Variants in VIPAS39 observed in about 807,000 individuals in gnomAD.
VIPAS39 encodes the protein spermatogenesis-defective protein 39 homolog.
Under a neutral mutation model 84.7 loss-of-function variants are expected in VIPAS39, and 63 were observed. The ratio of observed to expected loss-of-function variants is 0.74; its 90% CI spans 0.61 to 0.92. The LOEUF (loss-of-function observed/expected upper bound fraction) is 0.92. Ranked by LOEUF, VIPAS39 falls within the 40% of genes least tolerant of loss-of-function variation. The probability of loss-of-function intolerance (pLI) is 0.00; values close to 1 mark genes in which losing one functional copy is unlikely to be tolerated. For missense variants in VIPAS39, 499 were observed against 604.5 expected (o/e 0.83, Z 1.83); for synonymous variants, 192 against 216.5 (o/e 0.89, Z 0.99).
chr14:77,427,786 AT>A (rs1450849677), intron 19 of VIPAS39, 150 bp from the exon 20 acceptor site: 1 of 945,474 alleles, frequency 1.1e-6, no homozygotes. Flanking sequence ...ATGTTGAGAA[AT>A]TTTTTAAAAT....
At chr14:77,442,948 C>T (rs2078725630) in intron 9 of VIPAS39, among the ~76,000 whole-genome samples, 171 bp downstream of exon 9, 1 of 152,160 alleles carries the variant, frequency 6.6e-6, no homozygotes, top group African/African-American at 2.4e-5. Context: ...GTAGTCATCA[C>T]CCTAAAGGAC....
chr14:77,448,533 CCA>C lies in VIPAS39; in HGVS notation c.463_464del (p.Trp155GlufsTer4), dbSNP rs747670551. On this transcript the variant is annotated frameshift_variant, in exon 7 of 20. Coordinates refer to ENST00000557658, the MANE Select transcript of VIPAS39 (RefSeq NM_001193315.2). LOFTEE classifies it high-confidence loss of function. ...GACGTCGCACTGTATCACTGGGGCT[CCA>C]GTCATTGCTGTAATCCTGGAATATT... The part of the protein sequence containing the change: ...KGEYRDYSND[W>X]SPSDTVRRLR... The C allele has an allele frequency of 9.3e-6, 15 of 1,614,152 alleles. No individual in the cohort carries two copies.
In VIPAS39 at chr14:77,429,165, A is replaced by G; in HGVS notation, c.1267-70T>C. ...GGCACAGAGCTCTACAAGGTAGAAAAGAAAGTCCTGAAGAAGGCAAAAGAG... is the reference window on the plus strand; with the variant it reads ...GGCACAGAGCTCTACAAGGTAGAAAGGAAAGTCCTGAAGAAGGCAAAAGAG... On this transcript the variant is annotated intron_variant, in intron 17 of 19. Transcript: ENST00000557658. The G allele has an allele frequency of 2.1e-6, 3 of 1,446,386 alleles. No homozygotes were observed. In the East Asian group the frequency reaches 6.9e-5, roughly 33 times the overall value. The allele number at this position is 1,446,386 out of a possible 1,614,324, so 89.6% of individuals were successfully genotyped here.
rs759346738 is a variant in VIPAS39, at chr14:77,428,451, A to G, written c.1380T>C (p.Arg460=). The part of the protein sequence containing the change: ...VIDTYRDLKD[R]QQLLAYRSKV... ...TACTCCTGTATGCTAGCAACTGTTGACGATCCTTCAGGTCCCGGTAGGTCT... is the reference window on the plus strand; with the variant it reads ...TACTCCTGTATGCTAGCAACTGTTGGCGATCCTTCAGGTCCCGGTAGGTCT... Residue 460 remains arginine, a synonymous_variant, in exon 19 of 20, where the codon CGT becomes CGC. Coordinates refer to ENST00000557658, the MANE Select transcript of VIPAS39 (RefSeq NM_001193315.2). The G allele has an allele frequency of 6.8e-6, 11 of 1,613,842 alleles. No individual in the cohort carries two copies. The highest frequency in any genetic ancestry group is 9.3e-6 in the Non-Finnish European group (11 of 1,179,968).
intron 7 of VIPAS39, among the ~76,000 whole-genome samples, chr14:77,445,231 T>C (rs1209817968): frequency 6.6e-6 from 1 of 152,168 alleles, no homozygotes; most frequent in Non-Finnish European, 1.5e-5. Flanking sequence ...GGTGCTGGGA[T>C]TACAGGCGTG....
chr14:77,453,357 C>T lies in VIPAS39; in HGVS notation c.138G>A (p.Val46=). Reference sequence around the variant, plus strand: ...CCAGGTCATCATCGTCATCATCATCCACGAAGTCTCGGAGGCTGTTCACCG... The same window carrying T: ...CCAGGTCATCATCGTCATCATCATCTACGAAGTCTCGGAGGCTGTTCACCG... The part of the protein sequence containing the change: ...KRAVNSLRDF[V]DDDDDDDLER... Residue 46 remains valine (V), a synonymous_variant, in exon 3 of 20, where the codon GTG becomes GTA. Coordinates refer to ENST00000557658, the MANE Select transcript of VIPAS39 (RefSeq NM_001193315.2). 2 of 1,614,060 alleles carry T rather than the reference C, an allele frequency of 1.2e-6. No individual in the cohort carries two copies. The highest frequency in any genetic ancestry group is 1.7e-6 in the Non-Finnish European group (2 of 1,180,008).
rs1376095153 is a variant in VIPAS39, at chr14:77,457,590, G to A, written c.-96C>T. 1.1e-5 allele frequency: 6 copies of A among 569,870 alleles called. No individual in the cohort carries two copies. The highest frequency in any genetic ancestry group is 1.9e-5 in the Non-Finnish European group (6 of 321,288). The allele number at this position is 569,870 out of a possible 1,614,324, so 35.3% of individuals were successfully genotyped here. ...CAGGCTGTGCAGCTTAGAGAAGGGGGCGGAAGGGAATAATCGTAGGGCGGA... is the reference window on the plus strand; with the variant it reads ...CAGGCTGTGCAGCTTAGAGAAGGGGACGGAAGGGAATAATCGTAGGGCGGA... On this transcript the variant is annotated 5_prime_UTR_variant, in exon 1 of 20. Coordinates refer to ENST00000557658, the MANE Select transcript of VIPAS39 (RefSeq NM_001193315.2).
At chr14:77,433,558 T>C (rs1446466869) in intron 16 of VIPAS39, among the ~76,000 whole-genome samples, 1 of 152,150 alleles carries the variant, frequency 6.6e-6, no homozygotes, top group Non-Finnish European at 1.5e-5. Context: ...CAACTTACTT[T>C]CAAATGATTC....
chr14:77,430,684 TC>T (rs1254219140), intron 16 of VIPAS39, among the ~76,000 whole-genome samples: 1 of 135,240 alleles, frequency 7.4e-6, no homozygotes, highest in Non-Finnish European at 1.5e-5. Flanking sequence ...ACCACTGCAC[TC>T]CAGCCTGGGT....
chr14:77,434,344 TTCCCAAGTACC>T, intron 14 of VIPAS39, 41 bp from the exon 15 acceptor site: 1 of 1,590,304 alleles, frequency 6.3e-7, no homozygotes, highest in Non-Finnish European at 8.6e-7. Flanking sequence ...GATATTGACT[TTCCCAAGTACC>T]ACCCAAGCTC....
At chr14:77,438,301 T>C (rs1371308471) in intron 11 of VIPAS39, among the ~76,000 whole-genome samples, 2 of 151,002 alleles carry the variant, frequency 1.3e-5, no homozygotes, top group Non-Finnish European at 2.9e-5. Flanking sequence ...CAATCTCAGC[T>C]CATTGCAACC....
chr14:77,449,438 C>T, intron 5 of VIPAS39, 81 bp from the exon 6 acceptor site: 2 of 1,566,618 alleles, frequency 1.3e-6, no homozygotes, highest in Admixed American at 1.7e-5. Flanking sequence ...TTCGTTCTCA[C>T]ATTTTTTTGA....
intron 11 of VIPAS39, among the ~76,000 whole-genome samples, chr14:77,438,324 GTTCAAGCGA>G (rs1196464959): frequency 6.6e-6 from 1 of 151,648 alleles, no homozygotes; most frequent in Non-Finnish European, 1.5e-5. Flanking sequence ...TGCCTCCCAG[GTTCAAGCGA>G]TTCTCCTGCC....
chr14:77,435,767 G>T, intron 13 of VIPAS39, 77 bp downstream of exon 13: 1 of 1,484,312 alleles, frequency 6.7e-7, no homozygotes, highest in Non-Finnish European at 9.4e-7. Flanking sequence ...CACGTGCAGA[G>T]CATAGAAATC....
intron 16 of VIPAS39, among the ~76,000 whole-genome samples, chr14:77,431,696 A>G (rs1460902639): frequency 6.6e-6 from 1 of 152,192 alleles, no homozygotes; most frequent in Non-Finnish European, 1.5e-5. Context: ...AAATAAAAAT[A>G]GAACTATCAT....
intron 3 of VIPAS39, among the ~76,000 whole-genome samples, chr14:77,452,239 G>A (rs1000914389): frequency 2.0e-5 from 3 of 152,140 alleles, no homozygotes; most frequent in Non-Finnish European, 4.4e-5. Flanking sequence ...GCTACTGCTT[G>A]TGTAAAAATG....
chr14:77,434,902 GAAAAAAA>G (rs553201076), intron 14 of VIPAS39, among the ~76,000 whole-genome samples: 1 of 133,044 alleles, frequency 7.5e-6, no homozygotes, highest in Non-Finnish European at 1.6e-5. Flanking sequence ...CCATCTCAGA[GAAAAAAA>G]AAAAAAAAGT....
chr14:77,449,486 A>C, intron 5 of VIPAS39, 129 bp from the exon 6 acceptor site: 1 of 1,317,008 alleles, frequency 7.6e-7, no homozygotes, highest in South Asian at 1.2e-5. Flanking sequence ...GGCCAAAAGC[A>C]GATCTCCGTT....
chr14:77,428,384 G>A lies in VIPAS39; in HGVS notation c.1447C>T (p.Leu483Phe). 1 of 1,613,878 alleles carries A rather than the reference G, an allele frequency of 6.2e-7. No individual in the cohort carries two copies. The highest frequency in any genetic ancestry group is 8.5e-7 in the Non-Finnish European group (1 of 1,179,882). Residue 483 changes from leucine to phenylalanine, a missense_variant, in exon 19 of 20, where the codon CTT (leucine) becomes TTT (phenylalanine). Leu to Phe is a conservative substitution (Grantham distance 22). Coordinates refer to ENST00000557658, the MANE Select transcript of VIPAS39 (RefSeq NM_001193315.2). ...TAGCTGCTCACCGAGCTGCTGAGAA[G>A]AGCATCAATCTTCTCCTCCTCTGCT... ...GSAEEEKIDA[L>F]LSSSQIRWKN
Sources: gnomAD v4.1 joint callset for allele counts (sites outside exome capture counted in the v4.1 genomes callset) on GRCh38, gnomAD v4.1.1 for gene constraint, MANE v1.5 for transcripts, NCBI Gene and HGNC (gene_info 2026-07-23, HGNC 2026-07-21) for gene names.